The following PLCB4 variants were observed in gnomAD, a reference collection of about 807,000 sequenced individuals.
PLCB4 encodes phospholipase C beta 4, also known as 1-phosphatidylinositol 4,5-bisphosphate phosphodiesterase beta-4.
A neutral mutation model predicts 178.8 loss-of-function variants in PLCB4; 77 were observed. That is an observed-to-expected ratio of 0.43 (90% CI 0.36 to 0.52). The LOEUF (loss-of-function observed/expected upper bound fraction) is 0.52, where lower values mean the gene tolerates loss of function less well. Ranked by LOEUF, PLCB4 falls within the 20% of genes least tolerant of loss-of-function variation. PLCB4 has a pLI of 0.00. For missense variants in PLCB4, 1,024 were observed against 1,453.4 expected (o/e 0.70, Z 4.80); for synonymous variants, 496 against 490.8 (o/e 1.01, Z -0.14).
rs117597065 is a variant in PLCB4, at chr20:9,154,261, A to G, written c.-79+57919A>G. ...ACTTTAAAAAAATTTTTCTTGACCAATATTTGGTCACATGGTCACATCTCA... is the reference window on the plus strand; with the variant it reads ...ACTTTAAAAAAATTTTTCTTGACCAGTATTTGGTCACATGGTCACATCTCA... On this transcript the variant is annotated intron_variant, in intron 2 of 39. Coordinates refer to ENST00000378473, the MANE Select transcript of PLCB4 (RefSeq NM_001377142.1). Among the ~76,000 whole-genome samples, 317 of 152,040 alleles carry G rather than the reference A, an allele frequency of 2.1e-3. No individual in the cohort carries two copies. In the Middle Eastern group the frequency reaches 0.024, roughly 11 times the overall value.
chr20:9,088,470 A>T (rs1224707672), intron 1 of PLCB4, among the ~76,000 whole-genome samples: 2 of 152,200 alleles, frequency 1.3e-5, no homozygotes, highest in African/African-American at 4.8e-5. Flanking sequence ...TGCACAGATA[A>T]GTGTTAAACC....
At chr20:9,112,247 T>G (rs1268712782) in intron 2 of PLCB4, among the ~76,000 whole-genome samples, 2 of 151,266 alleles carry the variant, frequency 1.3e-5, no homozygotes, top group Non-Finnish European at 1.5e-5. Flanking sequence ...TTGAAACAAA[T>G]ACCCTACTCT....
intron 34 of PLCB4, among the ~76,000 whole-genome samples, chr20:9,458,071 T>C (rs2043162546): frequency 6.6e-6 from 1 of 150,838 alleles, no homozygotes; most frequent in South Asian, 2.1e-4. Context: ...CTTCCAGCAA[T>C]GATAGTTTTT....
intron 35 of PLCB4, among the ~76,000 whole-genome samples, chr20:9,466,644 G>C (rs545172358): frequency 6.6e-6 from 1 of 152,308 alleles, no homozygotes; most frequent in East Asian, 1.9e-4. Context: ...CTTCTCAAAA[G>C]GAGACATTTA....
intron 32 of PLCB4, among the ~76,000 whole-genome samples, chr20:9,452,678 G>A (rs969228145): frequency 1.3e-5 from 2 of 152,116 alleles, no homozygotes; most frequent in Admixed American, 6.6e-5. Flanking sequence ...CAATGGTTAC[G>A]TGAAGCAGAT....
intron 2 of PLCB4, among the ~76,000 whole-genome samples, chr20:9,119,097 A>G (rs1449111272): frequency 6.6e-6 from 1 of 152,186 alleles, no homozygotes; most frequent in Non-Finnish European, 1.5e-5. Context: ...AAAAGCTTAG[A>G]CTAATAGTCA....
At chr20:9,277,022 C>T (rs1341672583) in intron 3 of PLCB4, among the ~76,000 whole-genome samples, 7 of 152,170 alleles carry the variant, frequency 4.6e-5, no homozygotes, top group Non-Finnish European at 8.8e-5. Context: ...TTTAATGGGG[C>T]CCCCAGGTAA....
chr20:9,331,694 G>T (rs1005998499), intron 4 of PLCB4, among the ~76,000 whole-genome samples: 17 of 152,276 alleles, frequency 1.1e-4, no homozygotes, highest in Non-Finnish European at 2.1e-4. Context: ...TTGAATCTTT[G>T]AAAAATAGGT....
intron 7 of PLCB4, among the ~76,000 whole-genome samples, chr20:9,343,783 CTCTCAGTTGCAGAGACCAT>C (rs951688395): frequency 6.6e-6 from 1 of 152,176 alleles, no homozygotes; most frequent in Non-Finnish European, 1.5e-5. Context: ...AACAAATGTG[CTCTCAGTTGCAGAGACCAT>C]TCTCAGTTGC....
chr20:9,384,843 C>T (rs1217588830), intron 14 of PLCB4, among the ~76,000 whole-genome samples: 8 of 145,444 alleles, frequency 5.5e-5, no homozygotes, highest in Admixed American at 2.8e-4. Context: ...GGGTGTTTCT[C>T]AGTTTCTCAG....
chr20:9,277,983 A>G (rs767188667), intron 3 of PLCB4, among the ~76,000 whole-genome samples: 12 of 152,052 alleles, frequency 7.9e-5, no homozygotes, highest in African/African-American at 1.2e-4. Flanking sequence ...CCACAACAAC[A>G]TTGCCTTAGA....
intron 7 of PLCB4, among the ~76,000 whole-genome samples, chr20:9,357,566 G>T (rs1416212059): frequency 1.3e-5 from 2 of 152,162 alleles, no homozygotes; most frequent in African/African-American, 4.8e-5. Context: ...ACCCTCTAAG[G>T]TGATGGCATT....
At chr20:9,340,655 G>A (rs182331191) in intron 7 of PLCB4, among the ~76,000 whole-genome samples, 1 of 152,204 alleles carries the variant, frequency 6.6e-6, no homozygotes, top group Non-Finnish European at 1.5e-5. Flanking sequence ...CAAGAAACAG[G>A]ATGATGCAGT....
chr20:9,290,180 C>A (rs199954808), intron 3 of PLCB4, among the ~76,000 whole-genome samples: 110 of 142,946 alleles, frequency 7.7e-4, no homozygotes, highest in African/African-American at 1.9e-3. Context: ...AAAAAAAAAC[C>A]AAAAAAAAAA....
intron 28 of PLCB4, among the ~76,000 whole-genome samples, chr20:9,431,558 C>CA (rs1263239353): frequency 6.6e-6 from 1 of 151,954 alleles, no homozygotes; most frequent in Non-Finnish European, 1.5e-5. Flanking sequence ...CTCCACTTGC[C>CA]AGGTTCAAGC....
chr20:9,263,397 C>A (rs1169325733), intron 3 of PLCB4, among the ~76,000 whole-genome samples: 1 of 152,170 alleles, frequency 6.6e-6, no homozygotes, highest in African/African-American at 2.4e-5. Flanking sequence ...TTTCTACCAA[C>A]AAGAATATCT....
chr20:9,277,967 G>A (rs2094463956), intron 3 of PLCB4, among the ~76,000 whole-genome samples: 1 of 151,998 alleles, frequency 6.6e-6, no homozygotes, highest in Non-Finnish European at 1.5e-5. Context: ...ATAAGACCAA[G>A]TGCAGCCACA....
At chr20:9,262,209 T>C (rs1053689382) in intron 3 of PLCB4, among the ~76,000 whole-genome samples, 39 of 152,144 alleles carry the variant, frequency 2.6e-4, no homozygotes, top group African/African-American at 9.4e-4. Context: ...ATTAACTTTT[T>C]TTAAAAAGTG....
chr20:9,306,549 G>A (rs961793608), intron 3 of PLCB4, among the ~76,000 whole-genome samples: 2 of 152,104 alleles, frequency 1.3e-5, no homozygotes, highest in African/African-American at 2.4e-5. Flanking sequence ...TATATTTTAG[G>A]AACAGAATAT....
Sources: gnomAD v4.1 joint callset for allele counts (sites outside exome capture counted in the v4.1 genomes callset) on GRCh38, gnomAD v4.1.1 for gene constraint, MANE v1.5 for transcripts, NCBI Gene and HGNC (gene_info 2026-07-23, HGNC 2026-07-21) for gene names.